The following SRGAP1 variants were observed in gnomAD, a reference collection of about 807,000 sequenced individuals.
SRGAP1 encodes SLIT-ROBO Rho GTPase activating protein 1, also known as SLIT-ROBO Rho GTPase-activating protein 1.
In SRGAP1, 43 loss-of-function variants were observed where a neutral mutation model predicts 121.9. The ratio of observed to expected loss-of-function variants is 0.35; its 90% CI spans 0.28 to 0.46. The LOEUF is 0.46. Among genes scored for constraint, SRGAP1 ranks in the 20% least tolerant of loss-of-function variants. SRGAP1 has a pLI of 1.00. For missense variants in SRGAP1, 1,102 were observed against 1,350.9 expected (o/e 0.82, Z 2.89); for synonymous variants, 447 against 485.4 (o/e 0.92, Z 1.04).
chr12:64,072,108 C>CTGTGTGTGTG (rs66959510), intron 8 of SRGAP1, among the ~76,000 whole-genome samples: 15,887 of 80,070 alleles, frequency 0.2, 2,397 homozygotes, highest in Non-Finnish European at 0.25. Context: ...CAATCTCTCT[C>CTGTGTGTGTG]TGTGTGTGTG....
intron 14 of SRGAP1, among the ~76,000 whole-genome samples, chr12:64,095,475 G>A (rs1020739977): frequency 2.6e-5 from 4 of 152,146 alleles, no homozygotes; most frequent in African/African-American, 7.2e-5. Flanking sequence ...ATGTGGGGCC[G>A]AAAGAGTTCT....
intron 1 of SRGAP1, among the ~76,000 whole-genome samples, chr12:63,933,645 T>C (rs948262629): frequency 3.3e-5 from 5 of 152,202 alleles, no homozygotes; most frequent in Non-Finnish European, 5.9e-5. Context: ...TTTGGGACTA[T>C]TTTAAAGGAC....
intron 1 of SRGAP1, among the ~76,000 whole-genome samples, chr12:63,959,974 C>T (rs1207530794): frequency 6.6e-6 from 1 of 152,118 alleles, no homozygotes; most frequent in Non-Finnish European, 1.5e-5. Flanking sequence ...TTGCATTATC[C>T]CCTTTTAACT....
intron 1 of SRGAP1, among the ~76,000 whole-genome samples, chr12:63,919,901 C>A (rs2030973798): frequency 6.6e-6 from 1 of 152,030 alleles, no homozygotes; most frequent in Admixed American, 6.5e-5. Flanking sequence ...GATTCATTGC[C>A]CTGTTGGTGG....
intron 11 of SRGAP1, among the ~76,000 whole-genome samples, chr12:64,090,607 A>C (rs1362228262): frequency 3.3e-5 from 5 of 152,188 alleles, no homozygotes; most frequent in African/African-American, 4.8e-5. Flanking sequence ...TGGGAGGCCA[A>C]GGTGGAAGGA....
At chr12:63,855,980 G>A (rs1167248384) in intron 1 of SRGAP1, among the ~76,000 whole-genome samples, 1 of 151,968 alleles carries the variant, frequency 6.6e-6, no homozygotes, top group African/African-American at 2.4e-5. Flanking sequence ...CCTCTAGGCT[G>A]GGCTTGGTGG....
chr12:63,872,036 G>T, intron 1 of SRGAP1: 1 of 788,468 alleles, frequency 1.3e-6, no homozygotes, highest in South Asian at 1.5e-5. Context: ...GTTTAGGTAC[G>T]TTGACCATCT....
intron 3 of SRGAP1, among the ~76,000 whole-genome samples, chr12:64,004,580 C>T (rs897345227): frequency 1.3e-5 from 2 of 152,100 alleles, no homozygotes; most frequent in Admixed American, 6.5e-5. Context: ...CCATGTTGGC[C>T]AAGATGGTCT....
intron 1 of SRGAP1, among the ~76,000 whole-genome samples, chr12:63,877,165 A>G (rs191125523): frequency 1.0e-3 from 153 of 152,342 alleles, no homozygotes; most frequent in African/African-American, 3.5e-3. Context: ...GCAAGGTTTC[A>G]GTGAGCCGAG....
intron 3 of SRGAP1, among the ~76,000 whole-genome samples, chr12:64,001,518 T>C (rs974016289): frequency 1.6e-4 from 25 of 152,208 alleles, no homozygotes; most frequent in Non-Finnish European, 5.9e-5. Context: ...TTTGATGTTT[T>C]TGGACATGTA....
At chr12:63,953,694 A>G (rs2032370314) in intron 1 of SRGAP1, among the ~76,000 whole-genome samples, 1 of 152,080 alleles carries the variant, frequency 6.6e-6, no homozygotes. Flanking sequence ...AACATGAGCC[A>G]CCTTGCCCAC....
At chr12:63,931,365 A>G (rs561746110) in intron 1 of SRGAP1, among the ~76,000 whole-genome samples, 5 of 152,348 alleles carry the variant, frequency 3.3e-5, no homozygotes, top group African/African-American at 1.2e-4. Context: ...CCAAAGTACC[A>G]TTAATCAATT....
intron 21 of SRGAP1, among the ~76,000 whole-genome samples, chr12:64,132,072 G>A (rs770878470): frequency 2.0e-5 from 3 of 152,232 alleles, no homozygotes; most frequent in Non-Finnish European, 4.4e-5. Flanking sequence ...CTACTCGGGA[G>A]GTTGAGGCAG....
chr12:63,991,978 G>A (rs1313779031), intron 3 of SRGAP1, among the ~76,000 whole-genome samples: 1 of 152,206 alleles, frequency 6.6e-6, no homozygotes, highest in East Asian at 1.9e-4. Context: ...CTACCTAGGG[G>A]ATGAGGAAAT....
At chr12:63,919,649 A>G (rs890050812) in intron 1 of SRGAP1, among the ~76,000 whole-genome samples, 5 of 152,020 alleles carry the variant, frequency 3.3e-5, no homozygotes, top group Non-Finnish European at 7.4e-5. Context: ...GCTCTGCCCC[A>G]TCCCATATAC....
At chr12:63,995,176 A>T (rs2033661836) in intron 3 of SRGAP1, among the ~76,000 whole-genome samples, 1 of 152,206 alleles carries the variant, frequency 6.6e-6, no homozygotes, top group African/African-American at 2.4e-5. Context: ...TTTTAAAATC[A>T]TTAATATTTT....
At chr12:64,137,106 A>G (rs1440096344) in intron 21 of SRGAP1, among the ~76,000 whole-genome samples, 1 of 152,138 alleles carries the variant, frequency 6.6e-6, no homozygotes, top group Admixed American at 6.6e-5. Flanking sequence ...TCTACAAAAA[A>G]TAAAAAAATT....
At chr12:63,902,779 C>G (rs1382016302) in intron 1 of SRGAP1, among the ~76,000 whole-genome samples, 3 of 152,172 alleles carry the variant, frequency 2.0e-5, no homozygotes, top group African/African-American at 7.2e-5. Context: ...TAAAGACTTA[C>G]TATTTTTGTC....
chr12:63,926,127 ATAT>A (rs1565953239), intron 1 of SRGAP1, among the ~76,000 whole-genome samples: 1 of 152,186 alleles, frequency 6.6e-6, no homozygotes, highest in Non-Finnish European at 1.5e-5. Flanking sequence ...TAGTAGTTTG[ATAT>A]TATACCACTG....
Sources: allele counts gnomAD v4.1 joint callset (sites outside exome capture counted in the v4.1 genomes callset), GRCh38; gene constraint gnomAD v4.1.1; transcripts MANE v1.5; gene names NCBI Gene and HGNC (gene_info 2026-07-23, HGNC 2026-07-21).